The following CCDC74B variants were observed in gnomAD, a reference collection of about 807,000 sequenced individuals.
The protein encoded by CCDC74B is coiled-coil domain-containing protein 74B.
In CCDC74B, 34 loss-of-function variants were observed where a neutral mutation model predicts 38.0. The observed-to-expected ratio is 0.89, with a 90% CI of 0.68 to 1.19. CCDC74B has a LOEUF of 1.19. CCDC74B is among the 50% of genes most tolerant of loss of function. CCDC74B has a pLI of 0.00. For synonymous variants in CCDC74B, 132 were observed against 170.4 expected (o/e 0.77, Z 1.76); for missense variants, 358 against 406.0 (o/e 0.88, Z 1.02).
rs1481446514 is a variant in CCDC74B, at chr2:130,141,542, C to T, written c.347-246G>A. 1.0e-5 allele frequency: 6 copies of T among 600,576 alleles called. No homozygotes were observed. The East Asian group carries it at 1.4e-4, about 14-fold the overall frequency. 37.2% of individuals were successfully genotyped at this position (600,576 alleles called of 1,614,324 possible). On this transcript the variant is annotated intron_variant, in intron 3 of 7. Transcript: ENST00000409943. ...ACAATCAACATAGTGGAAGCTGGCCCCATCTTGGGTAAAATGAAACTGCAT... is the reference window on the plus strand; with the variant it reads ...ACAATCAACATAGTGGAAGCTGGCCTCATCTTGGGTAAAATGAAACTGCAT...
Position 130,140,353 on chromosome 2 carries a change from G to A in CCDC74B, c.504C>T (p.Ala168=). ...CCATACAGGCAGCTCCTGCGTTAGAGGCCTCTGCTTTCTCCTTTCTGAAAC... is the reference window on the plus strand; with the variant it reads ...CCATACAGGCAGCTCCTGCGTTAGAAGCCTCTGCTTTCTCCTTTCTGAAAC... The part of the protein sequence containing the change: ...QGQARKEKAE[A]SNAGAACMGN... The change falls in exon 5 of 8, where the codon GCC becomes GCT. Residue 168 remains alanine (A), a synonymous_variant. Coordinates refer to ENST00000409943, the MANE Select transcript of CCDC74B (RefSeq NM_001258307.2). 2 of 1,594,148 alleles carry A rather than the reference G, an allele frequency of 1.3e-6. No homozygotes were observed. The highest frequency in any genetic ancestry group is 1.7e-6 in the Non-Finnish European group (2 of 1,170,960).
Position 130,144,815 on chromosome 2 carries a change from T to G in CCDC74B, c.182A>C (p.Gln61Pro). ...LDLEKSLQFLQQQHSEMLAKL... is the reference protein window; with the variant it reads ...LDLEKSLQFLPQQHSEMLAKL... ...GGCCAGCATCTCCGAGTGCTGCTGC[T>G]GCAGGAACTGTAGGCTCTTCTCCAG... Residue 61 changes from glutamine (Q) to proline (P), a missense_variant, in exon 1 of 8, where the codon CAG becomes CCG. By Grantham distance (76) the Gln-to-Pro change is moderately conservative. Around this residue, in one of 3 missense-constraint regions of CCDC74B, gnomAD observed 128 missense variants for 146.7 expected, o/e 0.87. Transcript: ENST00000409943. 1 of 1,613,528 alleles carries G rather than the reference T, an allele frequency of 6.2e-7. No homozygotes were observed. Among genetic ancestry groups the G allele is most frequent in the Non-Finnish European group, 8.5e-7 (1 of 1,179,828 alleles).
rs149078598 is a variant in CCDC74B, at chr2:130,140,294, G to C, written c.563C>G (p.Ala188Gly). 3 of 1,612,894 alleles carry C rather than the reference G, an allele frequency of 1.9e-6. No individual in the cohort carries two copies. The highest frequency in any genetic ancestry group is 2.5e-6 in the Non-Finnish European group (3 of 1,179,476). Reference protein sequence around the residue: ...NSQHQGRQMGAAAHPPMILPL... With the variant: ...NSQHQGRQMGGAAHPPMILPL... The stretch of plus-strand genomic sequence containing the variant: ...CAGGATCATTGGGGGGTGTGCCGCC[G>C]CCCCCATCTGCCTGCCCTGGTGCTG... The change falls in exon 5 of 8, where the codon GCG becomes GGG. Residue 188 changes from alanine (A) to glycine (G), a missense_variant. Physicochemically the swap from Ala to Gly is moderately conservative, Grantham distance 60. Around this residue, in one of 3 missense-constraint regions of CCDC74B, gnomAD observed 213 missense variants for 212.3 expected, o/e 1.00. Coordinates refer to ENST00000409943, the MANE Select transcript of CCDC74B (RefSeq NM_001258307.2).
At position 130,140,035 on chromosome 2, in the gene CCDC74B, G is replaced by C; in HGVS notation, c.740C>G (p.Ala247Gly). The C allele has an allele frequency of 6.2e-7, 1 of 1,607,118 alleles. No individual in the cohort carries two copies. The part of the protein sequence containing the change: ...SQRPQAVPEE[A>G]SFPRDQEATH... ...ACCAGGCACTCACCTGGGAAAGCTA[G>C]CTTCCTCCGGGACTGCCTGGGGCCT... is the stretch of plus-strand genomic sequence containing the variant. The change falls in exon 6 of 8, where the codon GCT becomes GGT. Residue 247 changes from alanine to glycine, a missense_variant. Around this residue, in one of 3 missense-constraint regions of CCDC74B, gnomAD observed 213 missense variants for 212.3 expected, o/e 1.00. Coordinates refer to ENST00000409943, the MANE Select transcript of CCDC74B (RefSeq NM_001258307.2).
At position 130,144,917 on chromosome 2, in the gene CCDC74B, G is replaced by C; in HGVS notation, c.80C>G (p.Pro27Arg). The C allele has an allele frequency of 6.4e-7, 1 of 1,557,776 alleles. No homozygotes were observed. Among genetic ancestry groups the C allele is most frequent in the Non-Finnish European group, 8.6e-7 (1 of 1,158,496 alleles). ...CCTCAAGGACTGGACGCCCACAGAG[G>C]GGCGCTGGCGCCGGCGCCGAGAGCC... Reference protein sequence around the residue: ...TPGSRRRRQRPSVGVQSLRPQ... With the variant: ...TPGSRRRRQRRSVGVQSLRPQ... The change falls in exon 1 of 8, where the codon CCC (proline) becomes CGC (arginine). Residue 27 changes from proline to arginine, a missense_variant. Coordinates refer to ENST00000409943, the MANE Select transcript of CCDC74B (RefSeq NM_001258307.2).
chr2:130,139,596 G>C lies in CCDC74B; in HGVS notation c.904C>G (p.Gln302Glu), dbSNP rs368361030. The change falls in exon 8 of 8, where the codon CAG becomes GAG. Residue 302 changes from glutamine to glutamate, a missense_variant. Coordinates refer to ENST00000409943, the MANE Select transcript of CCDC74B (RefSeq NM_001258307.2). ...NNFAERQKRLQAMQKRRLHRS... is the reference protein window; with the variant it reads ...NNFAERQKRLEAMQKRRLHRS... ...TGCAGGCGCCGTTTCTGCATTGCCT[G>C]CAGCCTCTTCTGCCTCTCGGCAAAG... is the stretch of plus-strand genomic sequence containing the variant. 1 of 1,613,344 alleles carries C rather than the reference G, an allele frequency of 6.2e-7. No individual in the cohort carries two copies. The highest frequency in any genetic ancestry group is 1.3e-5 in the African/African-American group (1 of 75,076).
intron 1 of CCDC74B, 55 bp downstream of exon 1, chr2:130,144,692 A>G (rs751530098): frequency 5.0e-6 from 8 of 1,597,418 alleles, no homozygotes; most frequent in Non-Finnish European, 6.8e-6. Flanking sequence ...CGGGAGCGGC[A>G]GTGTTGAGTG....
chr2:130,139,748 G>A (rs956447813), intron 7 of CCDC74B, 58 bp from the exon 8 acceptor site: 1 of 1,609,098 alleles, frequency 6.2e-7, no homozygotes, highest in Non-Finnish European at 8.5e-7. Context: ...AGTGTGTGGG[G>A]AGTGCGGCCT....
intron 3 of CCDC74B, chr2:130,141,513 T>C: frequency 1.4e-6 from 1 of 702,948 alleles, no homozygotes; most frequent in South Asian, 1.9e-5. Flanking sequence ...GTGAACACTC[T>C]AGAACAATCA....
chr2:130,144,513 A>C, intron 1 of CCDC74B: 2 of 1,549,160 alleles, frequency 1.3e-6, no homozygotes, highest in Non-Finnish European at 1.7e-6. Context: ...TCAGCATCTG[A>C]AATGCTGCTG....
chr2:130,140,851 C>A (rs2258639), intron 4 of CCDC74B: 28,616 of 146,530 alleles, frequency 0.2, 3,102 homozygotes, highest in African/African-American at 0.33. Flanking sequence ...TTCTCTTGGT[C>A]AGAATATTAC....
chr2:130,142,013 C>T (rs1685664856), intron 3 of CCDC74B, 120 bp downstream of exon 3: 1 of 1,333,908 alleles, frequency 7.5e-7, no homozygotes, highest in Non-Finnish European at 9.8e-7. Context: ...GCACCTTCAT[C>T]CCCAAATCCT....
At chr2:130,143,178 G>A (rs1256860377) in intron 2 of CCDC74B, 91 bp downstream of exon 2, 3 of 1,557,774 alleles carry the variant, frequency 1.9e-6, no homozygotes, top group East Asian at 2.2e-5. Flanking sequence ...GCATACAGGG[G>A]CCAGTGCAGC....
chr2:130,139,975 C>T, intron 6 of CCDC74B, 28 bp from the exon 7 acceptor site: 2 of 1,606,958 alleles, frequency 1.2e-6, no homozygotes, highest in South Asian at 1.1e-5. Context: ...CAGCAGTGAG[C>T]TGTGGATAGG....
intron 3 of CCDC74B, 110 bp downstream of exon 3, chr2:130,142,023 T>C (rs1685665919): frequency 7.2e-7 from 1 of 1,392,762 alleles, no homozygotes; most frequent in Non-Finnish European, 9.5e-7. Context: ...CCCCAAATCC[T>C]GGAGCTTGGC....
chr2:130,144,892 C>T lies in CCDC74B; in HGVS notation c.105G>A (p.Arg35=). ...TCTGCCTGAGCTGCGGGCTCTGCGG[C>T]CTCAAGGACTGGACGCCCACAGAGG... ...QRPSVGVQSL[R]PQSPQLRQSD... is the part of the protein sequence containing the mutation. The change falls in exon 1 of 8, where the codon AGG becomes AGA. Residue 35 remains arginine (R), a synonymous_variant. Transcript: ENST00000409943. The T allele has an allele frequency of 6.2e-7, 1 of 1,604,770 alleles. No homozygotes were observed.
chr2:130,144,085 C>A (rs1304945744), intron 1 of CCDC74B, among the ~76,000 whole-genome samples: 3 of 152,130 alleles, frequency 2.0e-5, no homozygotes, highest in African/African-American at 7.2e-5. Context: ...GGAAGAAATT[C>A]ACTGAGCTGC....
intron 1 of CCDC74B, among the ~76,000 whole-genome samples, chr2:130,144,113 C>T (rs534919915): frequency 6.6e-6 from 1 of 152,124 alleles, no homozygotes; most frequent in East Asian, 1.9e-4. Context: ...CACTTGGGCA[C>T]GTTTCCCTGC....
Position 130,143,206 on chromosome 2 carries a change from T to C in CCDC74B, c.295+63A>G, listed in dbSNP as rs190452294. On this transcript the variant is annotated intron_variant, in intron 2 of 7. Coordinates refer to ENST00000409943, the MANE Select transcript of CCDC74B (RefSeq NM_001258307.2). ...AGTGCAGCCAGGTGGGCAAGGACAGTCTGGAGGGGCTCCCCTGGGTGGCAA... is the reference window on the plus strand; with the variant it reads ...AGTGCAGCCAGGTGGGCAAGGACAGCCTGGAGGGGCTCCCCTGGGTGGCAA... 6,829 of 1,585,224 alleles carry C rather than the reference T, an allele frequency of 4.3e-3. 20 individuals are homozygous for C. Among genetic ancestry groups the C allele is most frequent in the Non-Finnish European group, 5.4e-3 (6,240 of 1,164,824 alleles).
Sources: allele counts gnomAD v4.1 joint callset (sites outside exome capture counted in the v4.1 genomes callset), GRCh38; gene constraint gnomAD v4.1.1; regional missense constraint gnomAD v4.1.1; transcripts MANE v1.5; gene names NCBI Gene and HGNC (gene_info 2026-07-23, HGNC 2026-07-21).